HKDC1: variants seen among roughly 807,000 people sequenced by gnomAD.
The protein encoded by HKDC1 is hexokinase domain containing 1, also known as hexokinase HKDC1.
HKDC1 carries 66 observed loss-of-function variants against 96.6 expected under a neutral mutation model. The observed-to-expected ratio is 0.68, with a 90% CI of 0.56 to 0.84. HKDC1 has a LOEUF of 0.84. Ranked by LOEUF, HKDC1 falls within the 40% of genes least tolerant of loss-of-function variation. The pLI is 0.00. For missense variants in HKDC1, 1,211 were observed against 1,208.1 expected (o/e 1.00, Z -0.04); for synonymous variants, 466 against 473.1 (o/e 0.98, Z 0.20).
At position 69,247,346 on chromosome 10, in the gene HKDC1, T is replaced by C; in HGVS notation, c.1032-14T>C. ...TGGAGAAGTGTCGTTCACTCATTCC[T>C]GTCCCCTGGCCAGGTATAAAGAAGG... is the stretch of plus-strand genomic sequence containing the variant. On this transcript the variant is annotated splice_polypyrimidine_tract_variant and intron_variant, in intron 8 of 17. Coordinates refer to ENST00000354624, the MANE Select transcript of HKDC1 (RefSeq NM_025130.4). 1 of 1,584,782 alleles carries C rather than the reference T, an allele frequency of 6.3e-7. No individual in the cohort carries two copies. The highest frequency in any genetic ancestry group is 8.7e-7 in the Non-Finnish European group (1 of 1,153,202).
intron 2 of HKDC1, among the ~76,000 whole-genome samples, chr10:69,230,596 C>T (rs1191313427): frequency 3.3e-5 from 5 of 152,168 alleles, no homozygotes; most frequent in South Asian, 2.1e-4. Context: ...CAATTTACCC[C>T]GCTTAGGACA....
At chr10:69,224,664 C>T (rs957119620) in intron 1 of HKDC1, among the ~76,000 whole-genome samples, 2 of 152,206 alleles carry the variant, frequency 1.3e-5, no homozygotes, top group African/African-American at 2.4e-5. Flanking sequence ...GGTCAAAGAG[C>T]GGAATTTTTT....
chr10:69,249,603 C>A (rs2132361411), intron 10 of HKDC1, among the ~76,000 whole-genome samples: 1 of 152,374 alleles, frequency 6.6e-6, no homozygotes, highest in Middle Eastern at 3.4e-3. Context: ...TCACACCATT[C>A]TCCTGCCTCA....
intron 16 of HKDC1, chr10:69,265,257 GC>G (rs1006262133): frequency 6.5e-6 from 2 of 307,756 alleles, no homozygotes; most frequent in Non-Finnish European, 1.2e-5. Flanking sequence ...GCTCTAGCAG[GC>G]TGAGCCACAG....
rs1354220069 is a variant in HKDC1, at chr10:69,266,810, T to G, written c.*53T>G. On this transcript the variant is annotated 3_prime_UTR_variant, in exon 18 of 18. Coordinates refer to ENST00000354624, the MANE Select transcript of HKDC1 (RefSeq NM_025130.4). ...CTTGGATACTGAACAGCTTTTCCTCTGGCAGATCAGTTGGTCAGAGACCAA... is the reference window on the plus strand; with the variant it reads ...CTTGGATACTGAACAGCTTTTCCTCGGGCAGATCAGTTGGTCAGAGACCAA... 6.4e-7 allele frequency: 1 copy of G among 1,567,238 alleles called. No individual in the cohort carries two copies. The highest frequency in any genetic ancestry group is 8.7e-7 in the Non-Finnish European group (1 of 1,155,000).
intron 14 of HKDC1, among the ~76,000 whole-genome samples, chr10:69,258,383 G>C (rs1843752621): frequency 1.3e-5 from 2 of 152,200 alleles, no homozygotes; most frequent in South Asian, 4.1e-4. Flanking sequence ...TCCAAGACTA[G>C]ATGATTCCTC....
chr10:69,248,793 C>A, intron 10 of HKDC1, 65 bp downstream of exon 10: 1 of 1,435,550 alleles, frequency 7.0e-7, no homozygotes, highest in Non-Finnish European at 9.3e-7. Context: ...TCCTTAAAGC[C>A]AGTGAGGTTC....
At chr10:69,254,639 G>T (rs1843692370) in intron 12 of HKDC1, among the ~76,000 whole-genome samples, 2 of 152,122 alleles carry the variant, frequency 1.3e-5, no homozygotes, top group African/African-American at 4.8e-5. Flanking sequence ...CATTTTATAG[G>T]TGTGTTTTGT....
intron 2 of HKDC1, among the ~76,000 whole-genome samples, chr10:69,230,820 T>C (rs1253758805): frequency 1.3e-5 from 2 of 152,172 alleles, no homozygotes; most frequent in Non-Finnish European, 2.9e-5. Context: ...GGTTTTACCA[T>C]ATTGACCAGG....
chr10:69,264,382 T>C (rs574348737), intron 16 of HKDC1, among the ~76,000 whole-genome samples: 3 of 152,174 alleles, frequency 2.0e-5, no homozygotes, highest in African/African-American at 7.2e-5. Flanking sequence ...CTCATCTTTT[T>C]TTTTTTTTTG....
rs370637464 is a variant in HKDC1 at position 69,250,428 on chromosome 10, G to A, written c.1709G>A (p.Gly570Asp). Residue 570 changes from glycine to aspartate, a missense_variant, in exon 11 of 18, where the codon GGT (glycine) becomes GAT (aspartate). By Grantham distance (94) the Gly-to-Asp change is moderately conservative. Coordinates refer to ENST00000354624, the MANE Select transcript of HKDC1 (RefSeq NM_025130.4). ...AIPLEIMQGT[G>D]EELFDHIVQC... ...CCCCTGGAGATCATGCAGGGCACTGGTGAGGAGGTAAGTGCCAGGCAAGGC... is the reference window on the plus strand; with the variant it reads ...CCCCTGGAGATCATGCAGGGCACTGATGAGGAGGTAAGTGCCAGGCAAGGC... 4 of 1,613,310 alleles carry A rather than the reference G, an allele frequency of 2.5e-6. No individual in the cohort carries two copies. The highest frequency in any genetic ancestry group is 3.4e-6 in the Non-Finnish European group (4 of 1,179,316).
chr10:69,257,522 C>A, intron 14 of HKDC1, 96 bp downstream of exon 14: 1 of 1,002,484 alleles, frequency 1.0e-6, no homozygotes, highest in Non-Finnish European at 1.6e-6. Flanking sequence ...TTCCATTATA[C>A]AGAGGCTCTG....
At chr10:69,226,645 A>T (rs2132331679) in intron 1 of HKDC1, among the ~76,000 whole-genome samples, 1 of 142,550 alleles carries the variant, frequency 7.0e-6, no homozygotes, top group South Asian at 2.3e-4. Flanking sequence ...ACAGAGTGAG[A>T]CTCTGTCTTA....
In HKDC1 at chr10:69,265,660, C is replaced by T. The variant is rs763722922; in HGVS notation, c.2448C>T (p.Ile816=). The T allele has an allele frequency of 1.1e-5, 18 of 1,613,972 alleles. No homozygotes were observed. Among genetic ancestry groups the T allele is most frequent in the South Asian group, 8.8e-5 (8 of 91,084 alleles). ...TGGACAGCACGTGTGAGGACAGCAT[C>T]GTGGTGAAGGAGGTGTGCGGAGCCG... The part of the protein sequence containing the change: ...LGLDSTCEDS[I]VVKEVCGAVS... Residue 816 remains isoleucine, a synonymous_variant, in exon 17 of 18, where the codon ATC becomes ATT. Coordinates refer to ENST00000354624, the MANE Select transcript of HKDC1 (RefSeq NM_025130.4).
intron 4 of HKDC1, among the ~76,000 whole-genome samples, chr10:69,233,702 T>A (rs959094316): frequency 1.3e-5 from 2 of 151,346 alleles, no homozygotes; most frequent in African/African-American, 4.9e-5. Context: ...ATCGAGACCA[T>A]CCTGGCTAAC....
intron 12 of HKDC1, among the ~76,000 whole-genome samples, chr10:69,252,669 G>A (rs1200746986): frequency 2.0e-5 from 3 of 146,428 alleles, no homozygotes; most frequent in Non-Finnish European, 4.5e-5. Flanking sequence ...AAAAACTGTA[G>A]CCAGGCATGG....
chr10:69,239,831 T>C (rs540423285), intron 5 of HKDC1, among the ~76,000 whole-genome samples: 1 of 147,524 alleles, frequency 6.8e-6, no homozygotes, highest in South Asian at 2.2e-4. Context: ...TGCCTGGCAC[T>C]CCATCCTCGA....
At chr10:69,235,064 C>T (rs1225014169) in intron 4 of HKDC1, among the ~76,000 whole-genome samples, 1 of 151,426 alleles carries the variant, frequency 6.6e-6, no homozygotes, top group East Asian at 2.0e-4. Flanking sequence ...GGAGTCCAGG[C>T]TGCAGTGGGC....
At position 69,250,318 on chromosome 10, in the gene HKDC1, T is replaced by G. The variant is rs898235272; in HGVS notation, c.1599T>G (p.Leu533=). Residue 533 remains leucine (L), a synonymous_variant, in exon 11 of 18, where the codon CTT becomes CTG. Coordinates refer to ENST00000354624, the MANE Select transcript of HKDC1 (RefSeq NM_025130.4). The stretch of plus-strand genomic sequence containing the variant: ...AAGGAAAGTTTCTCGCCCTGGATCT[T>G]GGGGGAACCAACTTCCGGGTCCTCC... ...TEKGKFLALD[L]GGTNFRVLLV... 1.9e-6 allele frequency: 3 copies of G among 1,614,090 alleles called. No individual in the cohort carries two copies. Among genetic ancestry groups the G allele is most frequent in the Non-Finnish European group, 2.5e-6 (3 of 1,179,960 alleles).
Sources: allele counts gnomAD v4.1 joint callset (sites outside exome capture counted in the v4.1 genomes callset), GRCh38; gene constraint gnomAD v4.1.1; transcripts MANE v1.5; gene names NCBI Gene and HGNC (gene_info 2026-07-23, HGNC 2026-07-21).